The following PTPRB variants were observed in gnomAD, a reference collection of about 807,000 sequenced individuals.
The protein encoded by PTPRB is protein tyrosine phosphatase receptor type B.
In PTPRB, 97 loss-of-function variants were observed where a neutral mutation model predicts 238.1. That is an observed-to-expected ratio of 0.41 (90% CI 0.35 to 0.48). PTPRB has a LOEUF of 0.48. Among genes scored for constraint, PTPRB ranks in the 20% least tolerant of loss-of-function variants. The pLI is 0.30. For synonymous variants in PTPRB, 970 were observed against 995.4 expected (o/e 0.97, Z 0.48); for missense variants, 2,292 against 2,681.9 (o/e 0.85, Z 3.21).
intron 15 of PTPRB, among the ~76,000 whole-genome samples, chr12:70,565,278 A>T (rs1879141982): frequency 6.6e-6 from 1 of 152,214 alleles, no homozygotes; most frequent in South Asian, 2.1e-4. Flanking sequence ...AAAATTCCTG[A>T]GGAAGGCTAC....
At chr12:70,627,247 G>A (rs1885246432) in intron 2 of PTPRB, among the ~76,000 whole-genome samples, 1 of 152,124 alleles carries the variant, frequency 6.6e-6, no homozygotes, top group African/African-American at 2.4e-5. Context: ...AAAGTTCAGG[G>A]CTATCAGGCT....
At chr12:70,536,191 A>C (rs762729918) in intron 28 of PTPRB, 32 bp from the exon 29 acceptor site, 23 of 1,601,986 alleles carry the variant, frequency 1.4e-5, no homozygotes, top group Non-Finnish European at 1.9e-5. Context: ...GAGAGTCAGA[A>C]ACAATGGGCC....
intron 11 of PTPRB, among the ~76,000 whole-genome samples, chr12:70,574,795 C>T (rs1167678852): frequency 2.6e-5 from 4 of 152,154 alleles, no homozygotes; most frequent in African/African-American, 9.7e-5. Context: ...TAGTCGTGTA[C>T]CAAGTCCAAG....
chr12:70,555,973 G>A lies in PTPRB; in HGVS notation c.4890C>T (p.Ile1630=). Residue 1630 remains isoleucine, a synonymous_variant, in exon 19 of 34, where the codon ATC becomes ATT. Transcript: ENST00000334414. ...KLEKEKSLLN[I]MMLVPHKRYL... ...ACCTCTTATGGGGCACTAGCATCATGATGTTGAGCAGAGATTTTTCTTTCT... is the reference window on the plus strand; with the variant it reads ...ACCTCTTATGGGGCACTAGCATCATAATGTTGAGCAGAGATTTTTCTTTCT... 3 of 1,613,982 alleles carry A rather than the reference G, an allele frequency of 1.9e-6. No homozygotes were observed. The highest frequency in any genetic ancestry group is 2.5e-6 in the Non-Finnish European group (3 of 1,179,882).
rs1171931295 is a variant in PTPRB at position 70,562,880 on chromosome 12, C to T, written c.4132G>A (p.Glu1378Lys). The change falls in exon 16 of 34, where the codon GAG (glutamate) becomes AAG (lysine). Residue 1378 changes from glutamate to lysine, a missense_variant. Transcript: ENST00000334414. ...AATATGAAAGACTCATTAGACAGCT[C>T]CCCACTGTGAGTTACAATCACCATC... ...YKMVIVTHSG[E>K]LSNESFIFGR... 1.2e-6 allele frequency: 2 copies of T among 1,613,980 alleles called. No homozygotes were observed. The highest frequency in any genetic ancestry group is 1.7e-6 in the Non-Finnish European group (2 of 1,179,882).
At position 70,634,523 on chromosome 12, in the gene PTPRB, G is replaced by A. The variant is rs1047129203; in HGVS notation, c.451+1148C>T. ...TTTGTTACATAGGTAAACGTGTGCC[G>A]TGGTGCTTTGTTGCACCTATCAACC... On this transcript the variant is annotated intron_variant, in intron 2 of 33. Transcript: ENST00000334414. Among the ~76,000 whole-genome samples, 13 of 152,190 alleles carry A rather than the reference G, an allele frequency of 8.5e-5. No homozygotes were observed. The East Asian group carries it at 2.3e-3, about 27-fold the overall frequency.
chr12:70,566,242 C>T (rs1039258378), intron 15 of PTPRB, among the ~76,000 whole-genome samples, 193 bp downstream of exon 15: 1 of 152,076 alleles, frequency 6.6e-6, no homozygotes, highest in Non-Finnish European at 1.5e-5. Flanking sequence ...AAATCAGAAA[C>T]AGAGTGTGGT....
At chr12:70,568,159 C>T (rs563305202) in intron 14 of PTPRB, among the ~76,000 whole-genome samples, 1 of 152,324 alleles carries the variant, frequency 6.6e-6, no homozygotes, top group South Asian at 2.1e-4. Flanking sequence ...CCTGACTCTT[C>T]TTGTTTGCTC....
chr12:70,572,160 G>A, intron 11 of PTPRB, 73 bp from the exon 12 acceptor site: 1 of 1,394,036 alleles, frequency 7.2e-7, no homozygotes, highest in South Asian at 1.4e-5. Flanking sequence ...TGACAAGCTG[G>A]GACAATAAAA....
At chr12:70,606,213 C>A (rs1308683647) in intron 4 of PTPRB, among the ~76,000 whole-genome samples, 4 of 152,190 alleles carry the variant, frequency 2.6e-5, no homozygotes, top group Non-Finnish European at 5.9e-5. Flanking sequence ...TTTTGTTAGT[C>A]ATCTTTATAA....
chr12:70,533,797 T>C (rs1412800504), intron 31 of PTPRB, among the ~76,000 whole-genome samples: 1 of 152,144 alleles, frequency 6.6e-6, no homozygotes, highest in Non-Finnish European at 1.5e-5. Context: ...GGACACAGCC[T>C]TTGTCTGCTC....
chr12:70,575,444 A>G (rs1190226233), intron 11 of PTPRB, among the ~76,000 whole-genome samples: 1 of 152,194 alleles, frequency 6.6e-6, no homozygotes, highest in Non-Finnish European at 1.5e-5. Context: ...GCAACCTCAT[A>G]AACAATTTCA....
At chr12:70,556,287 A>G in intron 18 of PTPRB, 139 bp from the exon 19 acceptor site, 1 of 782,858 alleles carries the variant, frequency 1.3e-6, no homozygotes, top group East Asian at 2.7e-5. Flanking sequence ...GGCTCACCCT[A>G]GCAGAGACAC....
At position 70,552,762 on chromosome 12, in the gene PTPRB, G is replaced by A. The variant is rs541007109; in HGVS notation, c.5387+15C>T. 7.4e-6 allele frequency: 12 copies of A among 1,613,224 alleles called. No homozygotes were observed. Among genetic ancestry groups the A allele is most frequent in the South Asian group, 1.1e-5 (1 of 91,022 alleles). On this transcript the variant is annotated intron_variant, in intron 21 of 33. Coordinates refer to ENST00000334414, the MANE Select transcript of PTPRB (RefSeq NM_001109754.4). ...AGCATGTCCCTTCTAGCAAAACAGT[G>A]GTAATATATCTAACCTGTAGGCAGT... is the stretch of plus-strand genomic sequence containing the variant.
chr12:70,595,298 G>C (rs12811859), intron 5 of PTPRB, among the ~76,000 whole-genome samples: 1 of 152,028 alleles, frequency 6.6e-6, no homozygotes, highest in Non-Finnish European at 1.5e-5. Context: ...GGACCTGTTG[G>C]GGGGTGAGGG....
chr12:70,591,630 G>A (rs1251053518), intron 7 of PTPRB: 1 of 152,268 alleles, frequency 6.6e-6, no homozygotes, highest in African/African-American at 2.4e-5. Context: ...TTCTAAAGCA[G>A]GAGTTGGACA....
chr12:70,551,092 T>C (rs1453922638), intron 21 of PTPRB, among the ~76,000 whole-genome samples: 3 of 151,774 alleles, frequency 2.0e-5, no homozygotes, highest in Non-Finnish European at 4.4e-5. Context: ...GACGGAGTTT[T>C]ACCATGTTGG....
intron 16 of PTPRB, among the ~76,000 whole-genome samples, chr12:70,562,557 C>T (rs2136334933): frequency 6.6e-6 from 1 of 152,206 alleles, no homozygotes; most frequent in Admixed American, 6.5e-5. Context: ...TGGGTTACAG[C>T]CCTCTTGTAC....
chr12:70,583,161 A>G (rs1015398040), intron 9 of PTPRB, among the ~76,000 whole-genome samples: 7 of 152,136 alleles, frequency 4.6e-5, no homozygotes, highest in African/African-American at 1.7e-4. Flanking sequence ...AGTTTTCTAC[A>G]AAGTTAAACA....
Sources: allele counts gnomAD v4.1 joint callset (sites outside exome capture counted in the v4.1 genomes callset), GRCh38; gene constraint gnomAD v4.1.1; transcripts MANE v1.5; gene names NCBI Gene and HGNC (gene_info 2026-07-23, HGNC 2026-07-21).